DGLUCY: variants seen among roughly 807,000 people sequenced by gnomAD.
DGLUCY encodes D-glutamate cyclase, also known as D-glutamate cyclase, mitochondrial.
In DGLUCY, 58 loss-of-function variants were observed where a neutral mutation model predicts 58.5. That is an observed-to-expected ratio of 0.99 (90% CI 0.80 to 1.23). The LOEUF (loss-of-function observed/expected upper bound fraction) is 1.23, where lower values mean the gene tolerates loss of function less well. DGLUCY is among the 50% of genes most tolerant of loss of function. The probability of loss-of-function intolerance (pLI) is 0.00; values close to 1 mark genes in which losing one functional copy is unlikely to be tolerated. For missense variants in DGLUCY, 779 were observed against 784.7 expected (o/e 0.99, Z 0.09); for synonymous variants, 325 against 314.1 (o/e 1.03, Z -0.37).
Position 91,194,684 on chromosome 14 carries a change from G to T in DGLUCY, c.1196-1691G>T, listed in dbSNP as rs369917264. Among the ~76,000 whole-genome samples the T allele has an allele frequency of 5.3e-5, 8 of 152,140 alleles. No homozygotes were observed. The East Asian group carries it at 1.4e-3, about 26-fold the overall frequency. ...GCCTCCTGAGTAGCTGGGATTACAG[G>T]CGCCCGCCACCACGCCCAGCTAATT... On this transcript the variant is annotated intron_variant, in intron 9 of 13. Transcript: ENST00000256324.
At chr14:91,177,328 T>G (rs924455158) in intron 7 of DGLUCY, among the ~76,000 whole-genome samples, 1 of 152,220 alleles carries the variant, frequency 6.6e-6, no homozygotes, top group Non-Finnish European at 1.5e-5. Flanking sequence ...TTTTATCTGC[T>G]GAAGCATCCC....
intron 1 of DGLUCY, among the ~76,000 whole-genome samples, chr14:91,120,396 G>A (rs546758366): frequency 6.6e-6 from 1 of 152,054 alleles, no homozygotes; most frequent in Non-Finnish European, 1.5e-5. Context: ...AAAGAAATCT[G>A]ATAATTATTA....
intron 12 of DGLUCY, among the ~76,000 whole-genome samples, chr14:91,207,895 C>T (rs538417565): frequency 2.0e-4 from 30 of 152,152 alleles, no homozygotes; most frequent in East Asian, 1.7e-3. Flanking sequence ...TACAGGCATG[C>T]GCTACCACGC....
intron 1 of DGLUCY, among the ~76,000 whole-genome samples, chr14:91,122,113 G>GA (rs2045402855): frequency 6.6e-6 from 1 of 151,248 alleles, no homozygotes; most frequent in African/African-American, 2.4e-5. Context: ...TTTTCTCTTA[G>GA]AAAAAACTGT....
intron 1 of DGLUCY, among the ~76,000 whole-genome samples, chr14:91,086,230 T>C (rs2044216914): frequency 6.6e-6 from 1 of 152,192 alleles, no homozygotes; most frequent in Non-Finnish European, 1.5e-5. Flanking sequence ...ATGGTGAGTA[T>C]AATCATTTCA....
intron 1 of DGLUCY, among the ~76,000 whole-genome samples, chr14:91,118,515 TG>T (rs1451791145): frequency 3.9e-5 from 6 of 152,138 alleles, no homozygotes; most frequent in East Asian, 1.9e-4. Context: ...GAAACATATT[TG>T]GGGGTAAGAT....
intron 1 of DGLUCY, among the ~76,000 whole-genome samples, chr14:91,133,247 A>G (rs1323583202): frequency 6.6e-6 from 1 of 152,090 alleles, no homozygotes; most frequent in Non-Finnish European, 1.5e-5. Context: ...GTGAGCCGAG[A>G]TCTTGCCACT....
intron 1 of DGLUCY, among the ~76,000 whole-genome samples, chr14:91,156,439 A>G (rs1381362709): frequency 6.6e-6 from 1 of 152,156 alleles, no homozygotes; most frequent in Non-Finnish European, 1.5e-5. Flanking sequence ...TCTTTTACAA[A>G]CAGTGCTGCT....
At chr14:91,105,068 A>T (rs1008607414), upstream of DGLUCY, among the ~76,000 whole-genome samples, 1 of 152,226 alleles carries the variant, frequency 6.6e-6, no homozygotes, top group African/African-American at 2.4e-5. Flanking sequence ...TAATCCCAGC[A>T]CTTTGGGAAG....
intron 12 of DGLUCY, 128 bp downstream of exon 12, chr14:91,204,953 G>A: frequency 7.7e-7 from 1 of 1,290,624 alleles, no homozygotes; most frequent in South Asian, 1.3e-5. Flanking sequence ...AGGGAGGGGA[G>A]GTGGTGCTCA....
Position 91,137,070 on chromosome 14 carries a change from A to G in DGLUCY, c.-81-20569A>G, listed in dbSNP as rs576586901. On this transcript the variant is annotated intron_variant, in intron 1 of 13. Transcript: ENST00000256324. ...GCTGTGTAGAAATATGGTTGGACAG[A>G]AGAGAGTGATCTAATGCTCATAGAG... is the stretch of plus-strand genomic sequence containing the variant. Among the ~76,000 whole-genome samples the G allele has an allele frequency of 7.2e-5, 11 of 152,040 alleles. No individual in the cohort carries two copies. In the East Asian group the frequency reaches 1.9e-3, roughly 27 times the overall value.
intron 1 of DGLUCY, among the ~76,000 whole-genome samples, chr14:91,069,141 T>C (rs1429140608): frequency 6.6e-6 from 1 of 152,222 alleles, no homozygotes; most frequent in Admixed American, 6.5e-5. Context: ...TTGGTGCCAG[T>C]AGTCTTTAAC....
intron 1 of DGLUCY, among the ~76,000 whole-genome samples, chr14:91,098,914 T>C (rs1444968908): frequency 6.6e-6 from 1 of 152,222 alleles, no homozygotes; most frequent in Admixed American, 6.5e-5. Flanking sequence ...AAATATTGGC[T>C]GATTGAATAG....
At chr14:91,086,984 C>A (rs1445742993) in intron 1 of DGLUCY, among the ~76,000 whole-genome samples, 1 of 152,118 alleles carries the variant, frequency 6.6e-6, no homozygotes, top group African/African-American at 2.4e-5. Context: ...TCCCTAAATT[C>A]CCCCAGGACA....
chr14:91,112,013 G>A (rs943311239), upstream of DGLUCY, among the ~76,000 whole-genome samples: 14 of 152,048 alleles, frequency 9.2e-5, no homozygotes, highest in Non-Finnish European at 1.5e-4. Context: ...TGAGGCAGGC[G>A]GATCACCTGA....
At chr14:91,144,395 A>G (rs950830652) in intron 1 of DGLUCY, among the ~76,000 whole-genome samples, 5 of 152,184 alleles carry the variant, frequency 3.3e-5, no homozygotes, top group African/African-American at 9.6e-5. Context: ...CCTTGTCTCT[A>G]CTAAAGATAC....
Position 91,173,267 on chromosome 14 carries a change from ATT to A in DGLUCY, c.457-8_457-7del, listed in dbSNP as rs11340262. 1.2e-3 allele frequency: 1,688 copies of A among 1,390,546 alleles called. No homozygotes were observed. The highest frequency in any genetic ancestry group is 3.0e-3 in the Admixed American group (157 of 51,614). The allele number at this position is 1,390,546 out of a possible 1,614,324, so 86.1% of individuals were successfully genotyped here. A position where few individuals can be genotyped will look rare whatever the true frequency, so the allele number is the denominator to read the frequency against. ...TTCCATTTTTTAACATTTTCACTTG[ATT>A]TTTTTTTTTTTTTGGTCAGACAACA... On this transcript the variant is annotated intron_variant, in intron 5 of 13. Transcript: ENST00000256324.
At chr14:91,218,922 G>A (rs1176587128) in intron 13 of DGLUCY, among the ~76,000 whole-genome samples, 1 of 151,812 alleles carries the variant, frequency 6.6e-6, no homozygotes, top group Non-Finnish European at 1.5e-5. Flanking sequence ...GCTCTCACCT[G>A]TATTCCCAGA....
chr14:91,197,471 A>G (rs929175338), intron 10 of DGLUCY, among the ~76,000 whole-genome samples: 3 of 152,236 alleles, frequency 2.0e-5, no homozygotes, highest in Non-Finnish European at 4.4e-5. Context: ...CTGTACAGCC[A>G]TCATCACCAT....
Sources: allele counts gnomAD v4.1 joint callset (sites outside exome capture counted in the v4.1 genomes callset), GRCh38; gene constraint gnomAD v4.1.1; transcripts MANE v1.5; gene names NCBI Gene and HGNC (gene_info 2026-07-23, HGNC 2026-07-21).